The following MAP1B variants were observed in gnomAD, a reference collection of about 807,000 sequenced individuals.
MAP1B encodes microtubule associated protein 1B.
In MAP1B, 12 loss-of-function variants were observed where a neutral mutation model predicts 176.1. The ratio of observed to expected loss-of-function variants is 0.07; its 90% CI spans 0.04 to 0.11. MAP1B has a LOEUF of 0.11. Among genes scored for constraint, MAP1B ranks in the 10% least tolerant of loss-of-function variants. The probability of loss-of-function intolerance (pLI) is 1.00; values close to 1 mark genes in which losing one functional copy is unlikely to be tolerated. For synonymous variants in MAP1B, 1,044 were observed against 1,135.0 expected (o/e 0.92, Z 1.61); for missense variants, 2,523 against 2,990.5 (o/e 0.84, Z 3.65).
rs1192053722 is a variant in MAP1B at position 72,198,152 on chromosome 5, C to G, written c.4797C>G (p.Thr1599=). ...SLSVSVVQTP[T]TFQETEMSPS... The stretch of plus-strand genomic sequence containing the variant: ...CAGTGTCTGTTGTGCAAACACCTAC[C>G]ACATTCCAGGAAACAGAAATGTCTC... The change falls in exon 5 of 7, where the codon ACC becomes ACG. Residue 1599 remains threonine, a synonymous_variant. Coordinates refer to ENST00000296755, the MANE Select transcript of MAP1B (RefSeq NM_005909.5). 6.2e-7 allele frequency: 1 copy of G among 1,614,162 alleles called. No individual in the cohort carries two copies. Among genetic ancestry groups the G allele is most frequent in the Non-Finnish European group, 8.5e-7 (1 of 1,180,004 alleles).
intron 2 of MAP1B, among the ~76,000 whole-genome samples, chr5:72,170,050 T>C (rs929580744): frequency 6.6e-6 from 1 of 152,216 alleles, no homozygotes; most frequent in East Asian, 1.9e-4. Context: ...AAAAAATGAA[T>C]GCAGTGACCA....
At chr5:72,169,629 C>T (rs1490549843) in intron 2 of MAP1B, 1 of 154,310 alleles carries the variant, frequency 6.5e-6, no homozygotes, top group Non-Finnish European at 1.5e-5. Flanking sequence ...ACCTAAATCC[C>T]TATAGGTGGA....
At chr5:72,147,475 A>G (rs1746067232) in intron 2 of MAP1B, among the ~76,000 whole-genome samples, 2 of 152,004 alleles carry the variant, frequency 1.3e-5, no homozygotes, top group Admixed American at 6.6e-5. Flanking sequence ...TAAAAAAAAA[A>G]AGAAAGGGGT....
Position 72,163,417 on chromosome 5 carries a change from C to A in MAP1B, c.287-20326C>A, listed in dbSNP as rs191363782. On this transcript the variant is annotated intron_variant, in intron 2 of 6. Transcript: ENST00000296755. ...TTGCCTCTAGCCCAACATTTGTAGC[C>A]AACTGGATGAGATTCCATGCTTTTA... is the stretch of plus-strand genomic sequence containing the variant. Among the ~76,000 whole-genome samples, 16 of 152,102 alleles carry A rather than the reference C, an allele frequency of 1.1e-4. No homozygotes were observed. In the East Asian group the frequency reaches 3.1e-3, roughly 29 times the overall value.
chr5:72,199,120 C>T lies in MAP1B; in HGVS notation c.5765C>T (p.Ser1922Phe). The T allele has an allele frequency of 1.9e-6, 3 of 1,614,090 alleles. No individual in the cohort carries two copies. The highest frequency in any genetic ancestry group is 2.5e-6 in the Non-Finnish European group (3 of 1,180,028). Reference protein sequence around the residue: ...TTKSPSDSGYSYETIGKTTKT... With the variant: ...TTKSPSDSGYFYETIGKTTKT... ...AAATCTCCAAGTGACAGTGGCTACT[C>T]CTATGAGACCATTGGGAAAACTACC... The change falls in exon 5 of 7, where the codon TCC (serine) becomes TTC (phenylalanine). Residue 1922 changes from serine to phenylalanine, a missense_variant. By Grantham distance (155) the Ser-to-Phe change is radical (BLOSUM62 -2). This residue lies in a region of MAP1B where 1,925 missense variants were observed against 2,126.0 expected (regional missense o/e 0.91). Transcript: ENST00000296755. This position sits in a 1 kb window ranked among gnomAD's most constrained non-coding sequence, Gnocchi z 4.2.
rs1221520949 is a variant in MAP1B at position 72,200,355 on chromosome 5, A to G, written c.7000A>G (p.Thr2334Ala). ...TGCCTCTGCATCCAAGTCGGCCAAG[A>G]CCGCCACTGCAGGTAGGTTGAGAAG... ...ANASASKSAK[T>A]ATAGPGTTKT... The change falls in exon 5 of 7, where the codon ACC (threonine) becomes GCC (alanine). Residue 2334 changes from threonine to alanine, a missense_variant. By Grantham distance (58) the Thr-to-Ala change is moderately conservative. Transcript: ENST00000296755. The G allele has an allele frequency of 6.2e-7, 1 of 1,613,360 alleles. No individual in the cohort carries two copies.
At position 72,197,011 on chromosome 5, in the gene MAP1B, G is replaced by A; in HGVS notation, c.3656G>A (p.Ser1219Asn). The change falls in exon 5 of 7, where the codon AGC becomes AAC. Residue 1219 changes from serine to asparagine, a missense_variant. This residue lies in a region of MAP1B where 1,925 missense variants were observed against 2,126.0 expected (regional missense o/e 0.91). Transcript: ENST00000296755. ...PPSSMEEDKF[S>N]RSALRDAYCS... ...TCTTCCATGGAGGAAGACAAATTCAGCAGATCTGCTTTACGTGATGCTTAC... is the reference window on the plus strand; with the variant it reads ...TCTTCCATGGAGGAAGACAAATTCAACAGATCTGCTTTACGTGATGCTTAC... 1 of 1,614,168 alleles carries A rather than the reference G, an allele frequency of 6.2e-7. No homozygotes were observed.
intron 4 of MAP1B, among the ~76,000 whole-genome samples, chr5:72,190,084 C>G (rs1041921098): frequency 6.6e-6 from 1 of 152,108 alleles, no homozygotes; most frequent in Non-Finnish European, 1.5e-5. Flanking sequence ...ACTGGACACC[C>G]TATTCAGGAG....
chr5:72,152,206 T>C (rs1746153442), intron 2 of MAP1B, among the ~76,000 whole-genome samples: 1 of 152,162 alleles, frequency 6.6e-6, no homozygotes, highest in Non-Finnish European at 1.5e-5. Flanking sequence ...ATCCTATCTA[T>C]GGATATGTTT....
Position 72,186,671 on chromosome 5 carries a change from T to C in MAP1B, c.427T>C (p.Cys143Arg). ...CAAGCTGCTCGTGCTGACCGGGCAG[T>C]GCTTTGAAAATACCGGAGAGCTCAT... ...RHKLLVLTGQ[C>R]FENTGELILQ... The change falls in exon 4 of 7, where the codon TGC (cysteine) becomes CGC (arginine). Residue 143 changes from cysteine (C) to arginine (R), a missense_variant. By Grantham distance (180) the Cys-to-Arg change is radical. Around this residue, in one of 4 missense-constraint regions of MAP1B, gnomAD observed 307 missense variants for 438.4 expected, o/e 0.70. Coordinates refer to ENST00000296755, the MANE Select transcript of MAP1B (RefSeq NM_005909.5). This position sits in a 1 kb window ranked among gnomAD's most constrained non-coding sequence, Gnocchi z 4.3. 6.2e-7 allele frequency: 1 copy of C among 1,614,224 alleles called. No individual in the cohort carries two copies. The highest frequency in any genetic ancestry group is 1.1e-5 in the South Asian group (1 of 91,082).
In MAP1B at chr5:72,200,140, A is replaced by G. The variant is rs1747298257; in HGVS notation, c.6785A>G (p.Asp2262Gly). 6 of 1,614,146 alleles carry G rather than the reference A, an allele frequency of 3.7e-6. No individual in the cohort carries two copies. Among genetic ancestry groups the G allele is most frequent in the African/African-American group, 2.7e-5 (2 of 74,944 alleles). The change falls in exon 5 of 7, where the codon GAT (aspartate) becomes GGT (glycine). Residue 2262 changes from aspartate (D) to glycine (G), a missense_variant. Asp to Gly is a moderately conservative substitution (Grantham distance 94, BLOSUM62 -1). Around this residue, in one of 4 missense-constraint regions of MAP1B, gnomAD observed 287 missense variants for 401.5 expected, o/e 0.71. Transcript: ENST00000296755. The stretch of plus-strand genomic sequence containing the variant: ...TCATCTTCACCTGTCAAAAAGAGTG[A>G]TGGGAAGTCTAAGCCCTTGGCAGCT... ...TKSSSPVKKSDGKSKPLAASP... is the reference protein window; with the variant it reads ...TKSSSPVKKSGGKSKPLAASP...
At chr5:72,135,788 A>G (rs1000032092) in intron 2 of MAP1B, among the ~76,000 whole-genome samples, 13 of 152,094 alleles carry the variant, frequency 8.5e-5, no homozygotes, top group African/African-American at 2.4e-4. Context: ...GGACCTTTCC[A>G]TTTGCATTCT....
chr5:72,171,765 A>G (rs1040452071), intron 2 of MAP1B, among the ~76,000 whole-genome samples: 4 of 152,178 alleles, frequency 2.6e-5, no homozygotes, highest in African/African-American at 9.6e-5. Context: ...TGGTGTGCCG[A>G]GAATCACCCT....
chr5:72,197,826 G>A lies in MAP1B; in HGVS notation c.4471G>A (p.Ala1491Thr). 6.2e-7 allele frequency: 1 copy of A among 1,614,190 alleles called. No homozygotes were observed. Among genetic ancestry groups the A allele is most frequent in the Non-Finnish European group, 8.5e-7 (1 of 1,180,046 alleles). The change falls in exon 5 of 7, where the codon GCT becomes ACT. Residue 1491 changes from alanine (A) to threonine (T), a missense_variant. By Grantham distance (58) the Ala-to-Thr change is moderately conservative (BLOSUM62 0). Coordinates refer to ENST00000296755, the MANE Select transcript of MAP1B (RefSeq NM_005909.5). ...VEAMSSQPAL[A>T]LDERKLGDVS... ...AGCCATGAGTTCTCAACCAGCACTG[G>A]CTCTGGATGAAAGGAAATTAGGAGA...
Position 72,198,545 on chromosome 5 carries a change from G to A in MAP1B, c.5190G>A (p.Pro1730=), listed in dbSNP as rs758570511. The A allele has an allele frequency of 3.4e-5, 55 of 1,613,848 alleles. No individual in the cohort carries two copies. The highest frequency in any genetic ancestry group is 3.3e-4 in the Admixed American group (20 of 60,010). ...LISVSQVEAS[P]STSSAHTPSQ... ...CAGTATCTCAGGTAGAGGCCTCCCC[G>A]TCCACCTCTTCTGCTCATACCCCTT... The change falls in exon 5 of 7, where the codon CCG becomes CCA. Residue 1730 remains proline (P), a synonymous_variant. Coordinates refer to ENST00000296755, the MANE Select transcript of MAP1B (RefSeq NM_005909.5).
At chr5:72,164,206 C>T (rs1746385465) in intron 2 of MAP1B, among the ~76,000 whole-genome samples, 1 of 152,080 alleles carries the variant, frequency 6.6e-6, no homozygotes, top group African/African-American at 2.4e-5. Context: ...GCTGGGATTA[C>T]AGGCATGAGC....
intron 2 of MAP1B, among the ~76,000 whole-genome samples, chr5:72,144,195 C>T (rs1046835800): frequency 1.3e-5 from 2 of 152,126 alleles, no homozygotes; most frequent in African/African-American, 4.8e-5. Flanking sequence ...TGTTCTGAAT[C>T]TGCTGTGGAT....
Position 72,197,470 on chromosome 5 carries a change from A to C in MAP1B, c.4115A>C (p.Asn1372Thr), listed in dbSNP as rs765713274. Reference sequence around the variant, plus strand: ...GAATTCAGTGATGCCAAAGATGAGAATGAAAGGGCTTCAGTAAGCCCCATG... The same window carrying C: ...GAATTCAGTGATGCCAAAGATGAGACTGAAAGGGCTTCAGTAAGCCCCATG... ...SFEFSDAKDE[N>T]ERASVSPMDE... The change falls in exon 5 of 7, where the codon AAT (asparagine) becomes ACT (threonine). Residue 1372 changes from asparagine to threonine, a missense_variant. Physicochemically the swap from Asn to Thr is moderately conservative, Grantham distance 65 (BLOSUM62 0). Transcript: ENST00000296755. The C allele has an allele frequency of 1.2e-6, 2 of 1,614,218 alleles. No homozygotes were observed. Among genetic ancestry groups the C allele is most frequent in the Non-Finnish European group, 1.7e-6 (2 of 1,180,036 alleles).
intron 2 of MAP1B, among the ~76,000 whole-genome samples, chr5:72,159,459 T>C (rs940098256): frequency 6.6e-6 from 1 of 152,114 alleles, no homozygotes; most frequent in African/African-American, 2.4e-5. Context: ...GTTAACATAA[T>C]GAAAAATATC....
Sources: allele counts gnomAD v4.1 joint callset (sites outside exome capture counted in the v4.1 genomes callset), GRCh38; gene constraint gnomAD v4.1.1; regional missense constraint gnomAD v4.1.1; non-coding constraint Gnocchi (gnomAD v3.1); transcripts MANE v1.5; gene names NCBI Gene and HGNC (gene_info 2026-07-23, HGNC 2026-07-21).